ZC4H2: variants seen among roughly 807,000 people sequenced by gnomAD.
ZC4H2 encodes zinc finger C4H2 domain-containing protein.
For missense variants in ZC4H2, 137 were observed against 173.9 expected, an observed-to-expected ratio of 0.79 and a Z score of 1.19; for synonymous variants, 84 against 66.3, an observed-to-expected ratio of 1.27 and a Z score of -1.30.
intron 1 of ZC4H2, among the ~76,000 whole-genome samples, chrX:64,934,119 A>G (rs904719806): frequency 3.6e-5 from 4 of 112,052 alleles, no homozygotes; most frequent in Non-Finnish European, 7.5e-5. Context: ...GAGACCTGGG[A>G]GAGAAGACCT....
At chrX:64,962,460 T>G (rs185206285) in intron 1 of ZC4H2, among the ~76,000 whole-genome samples, 4 of 111,431 alleles carry the variant, frequency 3.6e-5, no homozygotes, top group Non-Finnish European at 7.6e-5. Context: ...TCATACTTAA[T>G]GGTAAAACAC....
At chrX:65,008,028 C>T (rs1383815574) in intron 1 of ZC4H2, among the ~76,000 whole-genome samples, 1 of 111,234 alleles carries the variant, frequency 9.0e-6, no homozygotes, top group African/African-American at 3.3e-5. Flanking sequence ...AGAGACAACA[C>T]ATAGAATGGG....
intron 1 of ZC4H2, among the ~76,000 whole-genome samples, chrX:64,943,044 C>T (rs1446922156): frequency 8.9e-6 from 1 of 111,975 alleles, no homozygotes; most frequent in Non-Finnish European, 1.9e-5. Context: ...GATGGTATCT[C>T]ATTGTGGTTT....
chrX:64,986,717 C>G (rs1932192231), intron 1 of ZC4H2, among the ~76,000 whole-genome samples: 1 of 110,573 alleles, frequency 9.0e-6, no homozygotes, highest in African/African-American at 3.3e-5. Flanking sequence ...GGAAGGTAGA[C>G]AGATTGTCCA....
chrX:64,989,090 G>A (rs1158418804), intron 1 of ZC4H2, among the ~76,000 whole-genome samples: 1 of 111,745 alleles, frequency 8.9e-6, no homozygotes, highest in Non-Finnish European at 1.9e-5. Context: ...CTCTGTTTTG[G>A]TACCAGTACC....
intron 1 of ZC4H2, among the ~76,000 whole-genome samples, chrX:64,968,852 G>A (rs772860974): frequency 9.0e-6 from 1 of 111,277 alleles, no homozygotes; most frequent in South Asian, 3.8e-4. Context: ...ATTTCTCCCA[G>A]GTCCGAAGGC....
chrX:65,004,157 G>C lies in ZC4H2; in HGVS notation c.-272+30472C>G, dbSNP rs376827864. ...AGCCTAATTCTACCAGAAGTACAAA[G>C]AGGAGCTGGTACCATTCTTTCTGAA... On this transcript the variant is annotated intron_variant, in intron 1 of 4. Coordinates refer to the ZC4H2 transcript ENST00000337990. Among the ~76,000 whole-genome samples the C allele has an allele frequency of 4.5e-5, 5 of 111,745 alleles. No homozygotes were observed. The East Asian group carries it at 8.5e-4, about 19-fold the overall frequency.
At chrX:64,918,625 A>C (rs1929037182) in intron 4 of ZC4H2, 1 of 121,556 alleles carries the variant, frequency 8.2e-6, no homozygotes, top group African/African-American at 3.2e-5. Flanking sequence ...TGGGATGTAA[A>C]CCAGTTTTGC....
At chrX:65,026,176 TA>T (rs1241929741) in intron 1 of ZC4H2, among the ~76,000 whole-genome samples, 2 of 111,679 alleles carry the variant, frequency 1.8e-5, no homozygotes, top group East Asian at 5.6e-4. Flanking sequence ...TGACCTATAA[TA>T]GAAATATTTC....
chrX:64,936,911 C>T (rs1330355420), intron 1 of ZC4H2, among the ~76,000 whole-genome samples: 1 of 111,635 alleles, frequency 9.0e-6, no homozygotes, highest in Non-Finnish European at 1.9e-5. Context: ...CATATTCACA[C>T]ATAACAATAT....
At chrX:64,947,079 C>G (rs1361386218) in intron 1 of ZC4H2, among the ~76,000 whole-genome samples, 2 of 111,903 alleles carry the variant, frequency 1.8e-5, no homozygotes, top group South Asian at 3.7e-4. Flanking sequence ...TCTTGAGACT[C>G]TCTATGAAAT....
chrX:65,004,472 G>T lies in ZC4H2; in HGVS notation c.-272+30157C>A, dbSNP rs540106013. ...AATCCATCACATAAACAGAACCAAT[G>T]ACAACAACCAGATAATTAACTCAAT... On this transcript the variant is annotated intron_variant, in intron 1 of 4. Transcript: ENST00000337990. 3.3e-4 allele frequency among the ~76,000 whole-genome samples: 37 copies of T among 112,015 alleles called. No homozygotes were observed. The South Asian group carries it at 0.011, about 34-fold the overall frequency.
At chrX:64,955,390 T>A (rs1931115106) in intron 1 of ZC4H2, among the ~76,000 whole-genome samples, 1 of 111,756 alleles carries the variant, frequency 8.9e-6, no homozygotes. Context: ...GATCACTGAC[T>A]GAGGACAATC....
intron 1 of ZC4H2, among the ~76,000 whole-genome samples, chrX:65,001,981 A>G (rs1394085839): frequency 9.0e-6 from 1 of 111,511 alleles, no homozygotes; most frequent in Non-Finnish European, 1.9e-5. Context: ...AGACTCCCAC[A>G]CAATAATAGT....
intron 1 of ZC4H2, among the ~76,000 whole-genome samples, chrX:64,987,573 T>A (rs1036123301): frequency 9.2e-6 from 1 of 108,316 alleles, no homozygotes; most frequent in African/African-American, 3.4e-5. Flanking sequence ...AAAGACCTCA[T>A]ATCTTATGCA....
intron 1 of ZC4H2, among the ~76,000 whole-genome samples, chrX:64,983,858 G>A (rs935811493): frequency 2.6e-4 from 29 of 111,966 alleles, no homozygotes; most frequent in African/African-American, 7.8e-4. Context: ...AAGAGTAATT[G>A]AAGACACAAA....
intron 1 of ZC4H2, among the ~76,000 whole-genome samples, chrX:65,003,047 T>C (rs1932577672): frequency 1.0e-5 from 1 of 99,103 alleles, no homozygotes; most frequent in African/African-American, 3.7e-5. Flanking sequence ...CACCCAAGAA[T>C]GATCAATAAA....
At chrX:65,015,096 A>G (rs1278156920) in intron 1 of ZC4H2, among the ~76,000 whole-genome samples, 2 of 109,945 alleles carry the variant, frequency 1.8e-5, no homozygotes, top group African/African-American at 6.5e-5. Flanking sequence ...CCTGCCATCA[A>G]TTAATATTTG....
chrX:64,950,634 G>T (rs1930761574), intron 1 of ZC4H2, among the ~76,000 whole-genome samples: 1 of 110,169 alleles, frequency 9.1e-6, no homozygotes. Context: ...ATCTTGGTTG[G>T]TTTAAAGTCT....
Sources: gnomAD v4.1 joint callset for allele counts (sites outside exome capture counted in the v4.1 genomes callset) on GRCh38, gnomAD v4.1.1 for gene constraint, MANE v1.5 for transcripts, NCBI Gene and HGNC (gene_info 2026-07-23, HGNC 2026-07-21) for gene names.